The following ODAD2 variants were observed in gnomAD, a reference collection of about 807,000 sequenced individuals.
ODAD2 encodes outer dynein arm-docking complex subunit 2.
Under a neutral mutation model 106.8 loss-of-function variants are expected in ODAD2, and 89 were observed. The ratio of observed to expected loss-of-function variants is 0.83; its 90% CI spans 0.70 to 0.99. The LOEUF is 0.99. ODAD2 is among the 50% of genes least tolerant of loss of function. The pLI is 0.00. For missense variants in ODAD2, 1,168 were observed against 1,238.5 expected (o/e 0.94, Z 0.85); for synonymous variants, 404 against 436.2 (o/e 0.93, Z 0.92).
At chr10:27,930,765 G>T (rs1032258360) in intron 16 of ODAD2, among the ~76,000 whole-genome samples, 24 of 152,082 alleles carry the variant, frequency 1.6e-4, no homozygotes, top group African/African-American at 5.6e-4. Flanking sequence ...TTGCTTTTGT[G>T]ATGGAATCAC....
chr10:27,831,883 C>A (rs1837504962), intron 19 of ODAD2, among the ~76,000 whole-genome samples: 1 of 152,234 alleles, frequency 6.6e-6, no homozygotes. Context: ...TGGCTCCCCT[C>A]TCCCCTGCAT....
chr10:27,813,499 T>TA (rs1483622217), intron 19 of ODAD2: 4 of 152,240 alleles, frequency 2.6e-5, no homozygotes, highest in African/African-American at 9.6e-5. Context: ...TTAGAACATT[T>TA]AAAATCTAGC....
At chr10:27,988,264 C>A (rs1019902343) in intron 2 of ODAD2, among the ~76,000 whole-genome samples, 1 of 151,176 alleles carries the variant, frequency 6.6e-6, no homozygotes, top group Non-Finnish European at 1.5e-5. Context: ...ACAACATTAA[C>A]TAAACTGTCT....
chr10:27,889,777 G>A (rs866296677), intron 17 of ODAD2, among the ~76,000 whole-genome samples: 32 of 152,154 alleles, frequency 2.1e-4, no homozygotes, highest in African/African-American at 7.2e-4. Context: ...AAGCAGCCCC[G>A]TGACCTCAGT....
intron 10 of ODAD2, among the ~76,000 whole-genome samples, chr10:27,954,820 C>A (rs975669548): frequency 6.6e-6 from 1 of 152,164 alleles, no homozygotes; most frequent in Non-Finnish European, 1.5e-5. Flanking sequence ...AAATAAAACA[C>A]GACAAATTCT....
chr10:27,842,490 C>T (rs1445018239), intron 19 of ODAD2, among the ~76,000 whole-genome samples: 1 of 152,196 alleles, frequency 6.6e-6, no homozygotes, highest in Non-Finnish European at 1.5e-5. Context: ...AATAAATTAA[C>T]AAGCAATATA....
At chr10:27,848,212 A>T (rs1838940319) in intron 19 of ODAD2, among the ~76,000 whole-genome samples, 1 of 152,218 alleles carries the variant, frequency 6.6e-6, no homozygotes, top group Admixed American at 6.5e-5. Flanking sequence ...TGGTACTGGT[A>T]CCAAAACAGA....
At position 27,913,440 on chromosome 10, in the gene ODAD2, T is replaced by G. The variant is rs139598627; in HGVS notation, c.2496-5663A>C. ...GGATAATGTTCTCCAGCTCTATGCATGTTGTTGCAAAAACAATTACAACAG... is the reference window on the plus strand; with the variant it reads ...GGATAATGTTCTCCAGCTCTATGCAGGTTGTTGCAAAAACAATTACAACAG... On this transcript the variant is annotated intron_variant, in intron 16 of 19. Coordinates refer to ENST00000305242, the MANE Select transcript of ODAD2 (RefSeq NM_018076.5). Among the ~76,000 whole-genome samples, 489 of 152,242 alleles carry G rather than the reference T, an allele frequency of 3.2e-3. 4 individuals carry two copies. Among genetic ancestry groups the G allele is most frequent in the African/African-American group, 0.011 (466 of 41,546 alleles).
chr10:27,978,745 T>C (rs1335263733), intron 7 of ODAD2, among the ~76,000 whole-genome samples: 1 of 151,778 alleles, frequency 6.6e-6, no homozygotes, highest in Non-Finnish European at 1.5e-5. Context: ...TGAGCCAAGA[T>C]CACACCACTG....
At chr10:27,833,652 G>T (rs945998215) in intron 19 of ODAD2, among the ~76,000 whole-genome samples, 3 of 152,188 alleles carry the variant, frequency 2.0e-5, no homozygotes, top group African/African-American at 7.2e-5. Flanking sequence ...GGGGAAAATA[G>T]TTCATTGCTT....
At position 27,936,850 on chromosome 10, in the gene ODAD2, C is replaced by T. The variant is rs370547662; in HGVS notation, c.2128G>A (p.Val710Ile). The T allele has an allele frequency of 3.7e-5, 59 of 1,612,442 alleles. No homozygotes were observed. The highest frequency in any genetic ancestry group is 4.3e-5 in the Non-Finnish European group (51 of 1,179,528). ...GGCTTAAGTCCTCCGTGCAGCCTAA[C>T]GAGGTCCCGGGTTTCCTTATCTTCA... Reference protein sequence around the residue: ...CAEDKETRDLVRLHGGLKPLA... With the variant: ...CAEDKETRDLIRLHGGLKPLA... Residue 710 changes from valine to isoleucine, a missense_variant, in exon 15 of 20, where the codon GTT becomes ATT. This residue lies in a region of ODAD2 where 701 missense variants were observed against 712.3 expected (regional missense o/e 0.98). Coordinates refer to ENST00000305242, the MANE Select transcript of ODAD2 (RefSeq NM_018076.5).
intron 12 of ODAD2, among the ~76,000 whole-genome samples, chr10:27,941,484 C>T (rs1014155234): frequency 3.7e-5 from 5 of 136,568 alleles, no homozygotes; most frequent in African/African-American, 1.4e-4. Context: ...GATCCTGCCC[C>T]CCGAACCAAA....
intron 6 of ODAD2, 77 bp downstream of exon 6, chr10:27,983,766 G>T: frequency 7.3e-7 from 1 of 1,367,110 alleles, no homozygotes; most frequent in Non-Finnish European, 1.0e-6. Flanking sequence ...TGTGGTCATT[G>T]GGACACACCC....
chr10:27,977,561 ACT>A (rs1849276078), intron 7 of ODAD2, among the ~76,000 whole-genome samples: 2 of 152,008 alleles, frequency 1.3e-5, no homozygotes, highest in Non-Finnish European at 2.9e-5. Context: ...ACAGAGGGAG[ACT>A]CTGTCTCAAA....
At chr10:27,969,508 C>T (rs1848693332) in intron 8 of ODAD2, among the ~76,000 whole-genome samples, 1 of 152,296 alleles carries the variant, frequency 6.6e-6, no homozygotes, top group South Asian at 2.1e-4. Context: ...AACTCACTTG[C>T]CAGTTAAAAA....
chr10:27,963,984 A>G (rs560246700), intron 9 of ODAD2, among the ~76,000 whole-genome samples: 224 of 152,258 alleles, frequency 1.5e-3, no homozygotes, highest in African/African-American at 2.1e-3. Context: ...CACTTTGGGA[A>G]GCCGAGGTGA....
At chr10:27,984,137 T>C in intron 5 of ODAD2, 47 bp downstream of exon 5, 1 of 1,530,088 alleles carries the variant, frequency 6.5e-7, no homozygotes, top group African/African-American at 1.4e-5. Flanking sequence ...GCAAATGTAA[T>C]TATGAAAATG....
At chr10:27,827,245 CA>C (rs1464378251) in intron 19 of ODAD2, among the ~76,000 whole-genome samples, 8 of 151,838 alleles carry the variant, frequency 5.3e-5, no homozygotes, top group African/African-American at 1.7e-4. Flanking sequence ...GTATGTCCTT[CA>C]ACCTCATTTT....
At chr10:27,834,120 G>A (rs185794642) in intron 19 of ODAD2, among the ~76,000 whole-genome samples, 1 of 152,336 alleles carries the variant, frequency 6.6e-6, no homozygotes, top group East Asian at 1.9e-4. Flanking sequence ...AAAAGTAGCA[G>A]ATGATTGCCA....
Sources: gnomAD v4.1 joint callset for allele counts (sites outside exome capture counted in the v4.1 genomes callset) on GRCh38, gnomAD v4.1.1 for gene constraint, gnomAD v4.1.1 regional missense constraint, MANE v1.5 for transcripts, NCBI Gene and HGNC (gene_info 2026-07-23, HGNC 2026-07-21) for gene names.